Variants in TAF15 observed in about 807,000 individuals in gnomAD.
TAF15 encodes the protein TATA-binding protein-associated factor 2N.
A neutral mutation model predicts 102.5 loss-of-function variants in TAF15; 37 were observed. The observed-to-expected ratio is 0.36, with a 90% CI of 0.28 to 0.47. The LOEUF is 0.47. Among genes scored for constraint, TAF15 ranks in the 20% least tolerant of loss-of-function variants. The pLI is 0.99. For missense variants in TAF15, 652 were observed against 760.7 expected (o/e 0.86, Z 1.68); for synonymous variants, 273 against 259.2 (o/e 1.05, Z -0.51).
chr17:35,833,705 C>T (rs566980823), intron 7 of TAF15: 69 of 584,234 alleles, frequency 1.2e-4, no homozygotes, highest in Non-Finnish European at 1.1e-4. Context: ...CTTGAAAAGA[C>T]ATCTTGTGGA....
intron 11 of TAF15, among the ~76,000 whole-genome samples, chr17:35,840,247 C>CTTTTTT (rs370455465): frequency 1.8e-4 from 22 of 119,390 alleles, no homozygotes; most frequent in East Asian, 1.2e-3. Context: ...CGTTATTTTC[C>CTTTTTT]TTTTTTTTTT....
intron 7 of TAF15, among the ~76,000 whole-genome samples, chr17:35,826,481 T>C (rs1450609989): frequency 1.3e-5 from 2 of 152,072 alleles, no homozygotes; most frequent in Non-Finnish European, 2.9e-5. Flanking sequence ...GCAGCCGTAA[T>C]TAATATGTAA....
intron 1 of TAF15, among the ~76,000 whole-genome samples, chr17:35,812,109 A>T (rs2087131333): frequency 6.6e-6 from 1 of 152,176 alleles, no homozygotes; most frequent in Non-Finnish European, 1.5e-5. Context: ...TGAGACTCTT[A>T]ACATAAATTC....
chr17:35,812,464 A>G (rs2087135591), intron 1 of TAF15, among the ~76,000 whole-genome samples: 1 of 151,732 alleles, frequency 6.6e-6, no homozygotes, highest in Admixed American at 6.6e-5. Flanking sequence ...ACATGCCTGT[A>G]ATCCCAGCTA....
intron 11 of TAF15, among the ~76,000 whole-genome samples, chr17:35,840,441 CAG>C (rs897553673): frequency 2.7e-5 from 4 of 150,556 alleles, no homozygotes; most frequent in Admixed American, 6.6e-5. Flanking sequence ...TTAGCAGAGA[CAG>C]GGGTTTCACT....
rs772077394 is a variant in TAF15 at position 35,844,655 on chromosome 17, G to A, written c.1356G>A (p.Gly452=). ...GCGGCTATGGTGGAGACAGAAGTGG[G>A]GGTGGCTATGGTGGGGACAGAGGCG... ...SGGGYGGDRS[G]GGYGGDRGGG... is the part of the protein sequence containing the mutation. The change falls in exon 15 of 16, where the codon GGG becomes GGA. Residue 452 remains glycine, a synonymous_variant. Coordinates refer to ENST00000605844, the MANE Select transcript of TAF15 (RefSeq NM_139215.3). 20 of 1,597,960 alleles carry A rather than the reference G, an allele frequency of 1.3e-5. No homozygotes were observed. Among genetic ancestry groups the A allele is most frequent in the Non-Finnish European group, 1.7e-5 (20 of 1,170,894 alleles).
intron 7 of TAF15, among the ~76,000 whole-genome samples, chr17:35,827,775 G>A (rs1462349690): frequency 6.6e-6 from 1 of 152,004 alleles, no homozygotes; most frequent in African/African-American, 2.4e-5. Context: ...GGACATTCTT[G>A]GACTTACAGA....
At position 35,844,173 on chromosome 17, in the gene TAF15, T is replaced by G. The variant is rs1300838941; in HGVS notation, c.1088+15T>G. ...TGCCCTAATCCGTAAGTGTCTTGTT[T>G]ACTTTGGTGAGAGTAGGGGTTGGGA... On this transcript the variant is annotated intron_variant, in intron 13 of 15. Transcript: ENST00000605844. 1.9e-6 allele frequency: 3 copies of G among 1,614,058 alleles called. No individual in the cohort carries two copies. The Admixed American group carries it at 5.0e-5, about 27-fold the overall frequency.
chr17:35,817,063 C>T (rs1178877688), intron 1 of TAF15: 2 of 152,006 alleles, frequency 1.3e-5, no homozygotes, highest in Non-Finnish European at 2.9e-5. Flanking sequence ...GCCTCAGCTT[C>T]CCATAGTGCT....
At chr17:35,819,943 G>C in intron 2 of TAF15, 81 bp from the exon 3 acceptor site, 1 of 1,263,896 alleles carries the variant, frequency 7.9e-7, no homozygotes, top group East Asian at 2.4e-5. Flanking sequence ...TGAGTTGAAA[G>C]TTGAAAATGA....
chr17:35,834,488 G>T, intron 8 of TAF15, 78 bp from the exon 9 acceptor site: 1 of 1,397,038 alleles, frequency 7.2e-7, no homozygotes, highest in Non-Finnish European at 1.0e-6. Flanking sequence ...TTCATGCCTT[G>T]GTTTATTACT....
intron 6 of TAF15, chr17:35,823,747 C>T (rs2087292880): frequency 2.6e-5 from 7 of 269,352 alleles, no homozygotes; most frequent in Admixed American, 5.0e-5. Flanking sequence ...TCGTGCTTTT[C>T]ATCTAAGTTA....
Position 35,836,561 on chromosome 17 carries a change from G to A in TAF15, c.783+320G>A, listed in dbSNP as rs4239252. ...ATTTTATAGACTGAAATATATGCAA[G>A]TTCAAGTTGTTAGAGCTCTTGGGAG... On this transcript the variant is annotated intron_variant, in intron 10 of 15. Transcript: ENST00000605844. 0.31 allele frequency among the ~76,000 whole-genome samples: 47,455 copies of A among 152,030 alleles called. 9,584 individuals are homozygous for A. Among genetic ancestry groups the A allele is most frequent in the African/African-American group, 0.56 (23,379 of 41,456 alleles).
intron 7 of TAF15, among the ~76,000 whole-genome samples, chr17:35,825,758 C>A (rs1451859278): frequency 6.6e-6 from 1 of 152,010 alleles, no homozygotes; most frequent in African/African-American, 2.4e-5. Context: ...ACCATCCTGG[C>A]CAACACAGTG....
intron 9 of TAF15, 40 bp from the exon 10 acceptor site, chr17:35,836,092 A>G (rs747087605): frequency 8.1e-6 from 11 of 1,353,728 alleles, no homozygotes; most frequent in Non-Finnish European, 1.1e-5. Context: ...TGTCATAACC[A>G]AGGAATATGT....
At chr17:35,822,544 C>G in intron 5 of TAF15, 96 bp from the exon 6 acceptor site, 1 of 1,142,372 alleles carries the variant, frequency 8.8e-7, no homozygotes, top group Non-Finnish European at 1.3e-6. Context: ...GTTAATGTCT[C>G]TAACTGGTCA....
intron 7 of TAF15, among the ~76,000 whole-genome samples, chr17:35,828,052 T>C (rs2087352299): frequency 6.6e-6 from 1 of 152,230 alleles, no homozygotes; most frequent in Non-Finnish European, 1.5e-5. Flanking sequence ...CCTTCTAAAA[T>C]TGCCAGAACT....
intron 5 of TAF15, 75 bp downstream of exon 5, chr17:35,820,512 A>G: frequency 7.0e-7 from 1 of 1,424,072 alleles, no homozygotes; most frequent in East Asian, 2.3e-5. Flanking sequence ...TTTAACCAAC[A>G]AAATCCTAGC....
At chr17:35,844,213 G>A (rs1407066925) in intron 13 of TAF15, 55 bp downstream of exon 13, 4 of 1,611,798 alleles carry the variant, frequency 2.5e-6, no homozygotes, top group Non-Finnish European at 2.5e-6. Flanking sequence ...GGCTGTGGAG[G>A]ATACAGAAAG....
Sources: allele counts gnomAD v4.1 joint callset (sites outside exome capture counted in the v4.1 genomes callset), GRCh38; gene constraint gnomAD v4.1.1; transcripts MANE v1.5; gene names NCBI Gene and HGNC (gene_info 2026-07-23, HGNC 2026-07-21).